The following MAP4K3 variants were observed in gnomAD, a reference collection of about 807,000 sequenced individuals.
MAP4K3 encodes MAPK/ERK kinase kinase kinase 3.
MAP4K3 carries 94 observed loss-of-function variants against 143.5 expected under a neutral mutation model. That is an observed-to-expected ratio of 0.65 (90% CI 0.55 to 0.78). The LOEUF is 0.78. Ranked by LOEUF, MAP4K3 falls within the 30% of genes least tolerant of loss-of-function variation. The probability of loss-of-function intolerance (pLI) is 0.00; values close to 1 mark genes in which losing one functional copy is unlikely to be tolerated. For missense variants in MAP4K3, 1,077 were observed against 1,068.1 expected (o/e 1.01, Z -0.12); for synonymous variants, 416 against 347.2 (o/e 1.20, Z -2.20).
intron 1 of MAP4K3, among the ~76,000 whole-genome samples, chr2:39,422,164 A>G (rs891551118): frequency 3.3e-5 from 5 of 152,004 alleles, no homozygotes; most frequent in African/African-American, 9.7e-5. Context: ...CTATGGTACT[A>G]GAAGAAAGCA....
At chr2:39,423,398 C>T (rs1046783858) in intron 1 of MAP4K3, among the ~76,000 whole-genome samples, 23 of 152,282 alleles carry the variant, frequency 1.5e-4, no homozygotes, top group African/African-American at 5.5e-4. Context: ...CCACACAATC[C>T]AGCAATCACA....
At chr2:39,272,981 A>C (rs937448454) in intron 24 of MAP4K3, among the ~76,000 whole-genome samples, 1 of 152,102 alleles carries the variant, frequency 6.6e-6, no homozygotes, top group African/African-American at 2.4e-5. Context: ...GTAGTGGAAC[A>C]CAGGATACAG....
chr2:39,417,165 T>G (rs956420782), intron 1 of MAP4K3, among the ~76,000 whole-genome samples: 3 of 152,036 alleles, frequency 2.0e-5, no homozygotes, highest in Non-Finnish European at 4.4e-5. Flanking sequence ...TATACTGAGA[T>G]TGAGCAAATT....
intron 27 of MAP4K3, among the ~76,000 whole-genome samples, chr2:39,266,520 T>C (rs560280659): frequency 1.3e-5 from 2 of 152,320 alleles, no homozygotes; most frequent in Admixed American, 1.3e-4. Flanking sequence ...CCACATGTTA[T>C]GTCATTTCTT....
chr2:39,251,929 C>A (rs1340255754), intron 32 of MAP4K3, 44 bp from the exon 33 acceptor site: 1 of 1,430,984 alleles, frequency 7.0e-7, no homozygotes, highest in Non-Finnish European at 9.8e-7. Flanking sequence ...ATTAAAGACA[C>A]AAAATTTTTA....
intron 1 of MAP4K3, among the ~76,000 whole-genome samples, chr2:39,386,424 T>C (rs1666507043): frequency 6.6e-6 from 1 of 152,246 alleles, no homozygotes; most frequent in Non-Finnish European, 1.5e-5. Context: ...GTCCAATTTA[T>C]CAATAGTTTC....
At chr2:39,413,971 G>A (rs966647183) in intron 1 of MAP4K3, among the ~76,000 whole-genome samples, 3 of 151,946 alleles carry the variant, frequency 2.0e-5, no homozygotes, top group Non-Finnish European at 2.9e-5. Flanking sequence ...ACACTTACTC[G>A]CTAATTCCTA....
intron 1 of MAP4K3, among the ~76,000 whole-genome samples, chr2:39,390,542 A>G (rs1243627431): frequency 6.6e-6 from 1 of 152,198 alleles, no homozygotes; most frequent in East Asian, 1.9e-4. Flanking sequence ...TAGTCTAATA[A>G]GCGTGAAATG....
intron 1 of MAP4K3, among the ~76,000 whole-genome samples, chr2:39,409,056 T>C (rs1462837957): frequency 6.6e-6 from 1 of 152,198 alleles, no homozygotes; most frequent in Non-Finnish European, 1.5e-5. Context: ...TCCTTTCACT[T>C]CTGCCACCCT....
chr2:39,288,748 T>C (rs1681903724), intron 19 of MAP4K3, among the ~76,000 whole-genome samples: 1 of 152,182 alleles, frequency 6.6e-6, no homozygotes, highest in African/African-American at 2.4e-5. Context: ...CATGAGAGGA[T>C]ACCAATTAAA....
At chr2:39,274,441 C>A (rs1025272510) in intron 24 of MAP4K3, among the ~76,000 whole-genome samples, 1 of 151,966 alleles carries the variant, frequency 6.6e-6, no homozygotes, top group Admixed American at 6.6e-5. Context: ...AGGATGGTCT[C>A]GATCTCCTGA....
At chr2:39,377,201 C>CTTTTT (rs56149359) in intron 2 of MAP4K3, among the ~76,000 whole-genome samples, 7 of 110,588 alleles carry the variant, frequency 6.3e-5, no homozygotes, top group Non-Finnish European at 1.1e-4. Context: ...GCTATTTGGC[C>CTTTTT]TTTTTTTTTT....
chr2:39,295,354 ATT>A (rs1247461949), intron 16 of MAP4K3, among the ~76,000 whole-genome samples: 4 of 151,812 alleles, frequency 2.6e-5, no homozygotes, highest in Admixed American at 6.6e-5. Context: ...TTAAAAATAT[ATT>A]AACATTTTGA....
intron 1 of MAP4K3, chr2:39,436,625 C>T: frequency 2.0e-6 from 1 of 505,600 alleles, no homozygotes; most frequent in South Asian, 2.1e-5. Context: ...TCTCGTTCTG[C>T]CCTTCCCTGG....
At chr2:39,339,288 A>G (rs1004820925) in intron 4 of MAP4K3, among the ~76,000 whole-genome samples, 1 of 152,236 alleles carries the variant, frequency 6.6e-6, no homozygotes, top group Admixed American at 6.5e-5. Flanking sequence ...AAGCCCACAC[A>G]CATTCAGTAA....
chr2:39,372,555 T>C (rs1666111092), intron 2 of MAP4K3, among the ~76,000 whole-genome samples: 1 of 148,564 alleles, frequency 6.7e-6, no homozygotes, highest in African/African-American at 2.5e-5. Context: ...TACAGAGCTA[T>C]GGTAACCAAA....
intron 8 of MAP4K3, among the ~76,000 whole-genome samples, chr2:39,330,261 G>A (rs59459399): frequency 0.061 from 9,308 of 152,056 alleles, 376 homozygotes; most frequent in Middle Eastern, 0.11. Flanking sequence ...ATGATTCTAG[G>A]GGGAGGAGTT....
rs192243830 is a variant in MAP4K3, at chr2:39,272,176, T to C, written c.1973+107A>G. 2.2e-3 allele frequency: 1,780 copies of C among 796,298 alleles called. 7 individuals carry two copies. Among genetic ancestry groups the C allele is most frequent in the Non-Finnish European group, 2.2e-3 (1,088 of 485,900 alleles). The allele number at this position is 796,298 out of a possible 1,614,324, so 49.3% of individuals were successfully genotyped here. A position where few individuals can be genotyped will look rare whatever the true frequency, so the allele number is the denominator to read the frequency against. On this transcript the variant is annotated intron_variant, in intron 26 of 33. Coordinates refer to ENST00000263881, the MANE Select transcript of MAP4K3 (RefSeq NM_003618.4). ...ATGTATATTACTTATTATTTTTTCA[T>C]CATGATTTTTATTAACCCAAACTGA...
rs1384300976 is a variant in MAP4K3, at chr2:39,437,246, C to G, written c.-259G>C. 7.2e-6 allele frequency: 2 copies of G among 277,184 alleles called. No individual in the cohort carries two copies. Among genetic ancestry groups the G allele is most frequent in the African/African-American group, 4.5e-5 (2 of 44,684 alleles). The allele number at this position is 277,184 out of a possible 1,614,324, so 17.2% of individuals were successfully genotyped here. A position where few individuals can be genotyped will look rare whatever the true frequency, so the allele number is the denominator to read the frequency against. On this transcript the variant is annotated 5_prime_UTR_variant, in exon 1 of 34. Coordinates refer to ENST00000263881, the MANE Select transcript of MAP4K3 (RefSeq NM_003618.4). ...ACACCCACAAGGAGAGGAGAACCCT[C>G]GCAGCCCCTCGCTCGGGGTGAAACT...
Sources: gnomAD v4.1 joint callset for allele counts (sites outside exome capture counted in the v4.1 genomes callset) on GRCh38, gnomAD v4.1.1 for gene constraint, MANE v1.5 for transcripts, NCBI Gene and HGNC (gene_info 2026-07-23, HGNC 2026-07-21) for gene names.